NCKAP5: variants seen among roughly 807,000 people sequenced by gnomAD.
The protein encoded by NCKAP5 is NCK associated protein 5, also known as nck-associated protein 5.
In NCKAP5, 92 loss-of-function variants were observed where a neutral mutation model predicts 167.0. The ratio of observed to expected loss-of-function variants is 0.55; its 90% CI spans 0.47 to 0.66. The LOEUF (loss-of-function observed/expected upper bound fraction) is 0.66, where lower values mean the gene tolerates loss of function less well. Ranked by LOEUF, NCKAP5 falls within the 30% of genes least tolerant of loss-of-function variation. The probability of loss-of-function intolerance (pLI) is 0.00; values close to 1 mark genes in which losing one functional copy is unlikely to be tolerated. For missense variants in NCKAP5, 2,378 were observed against 2,315.0 expected, an observed-to-expected ratio of 1.03 and a Z score of -0.56; for synonymous variants, 891 against 877.4, an observed-to-expected ratio of 1.02 and a Z score of -0.27.
At chr2:133,288,511 C>T (rs1211868017) in intron 4 of NCKAP5, among the ~76,000 whole-genome samples, 1 of 151,952 alleles carries the variant, frequency 6.6e-6, no homozygotes, top group African/African-American at 2.4e-5. Context: ...ATGCAATTTC[C>T]TTTAATAGGG....
chr2:133,362,723 A>T (rs1685193937), intron 3 of NCKAP5, among the ~76,000 whole-genome samples: 1 of 151,740 alleles, frequency 6.6e-6, no homozygotes, highest in African/African-American at 2.4e-5. Context: ...TCTGGATTGC[A>T]GCCAGATATG....
intron 3 of NCKAP5, among the ~76,000 whole-genome samples, chr2:133,434,917 A>G (rs1018991368): frequency 3.3e-5 from 5 of 152,264 alleles, no homozygotes; most frequent in African/African-American, 1.2e-4. Flanking sequence ...TATCAGCAGA[A>G]TGAATAATGA....
chr2:133,145,392 C>A (rs540529588), intron 5 of NCKAP5, among the ~76,000 whole-genome samples: 3 of 151,940 alleles, frequency 2.0e-5, no homozygotes, highest in Non-Finnish European at 2.9e-5. Flanking sequence ...CTAATGCATG[C>A]GGGGCTTAAA....
At chr2:133,349,553 T>G (rs185649878) in intron 3 of NCKAP5, among the ~76,000 whole-genome samples, 1 of 152,226 alleles carries the variant, frequency 6.6e-6, no homozygotes, top group African/African-American at 2.4e-5. Context: ...TTTTAAAACA[T>G]CTTCTCCTTC....
At chr2:133,025,467 G>T (rs944671303) in intron 6 of NCKAP5, among the ~76,000 whole-genome samples, 3 of 152,304 alleles carry the variant, frequency 2.0e-5, no homozygotes, top group African/African-American at 4.8e-5. Flanking sequence ...GGTGAATAAA[G>T]TATTACCGCT....
At chr2:133,017,470 A>C (rs532700064) in intron 6 of NCKAP5, among the ~76,000 whole-genome samples, 5 of 152,248 alleles carry the variant, frequency 3.3e-5, no homozygotes, top group Non-Finnish European at 7.3e-5. Flanking sequence ...GAATTATTCA[A>C]AACTTCAAAA....
At chr2:133,325,970 A>C (rs924297147) in intron 3 of NCKAP5, among the ~76,000 whole-genome samples, 2 of 152,226 alleles carry the variant, frequency 1.3e-5, no homozygotes, top group East Asian at 3.8e-4. Context: ...TGGAGTTGGT[A>C]AAGCTGAAAC....
intron 5 of NCKAP5, among the ~76,000 whole-genome samples, chr2:133,171,288 T>C (rs2084239184): frequency 6.6e-6 from 1 of 152,224 alleles, no homozygotes; most frequent in Admixed American, 6.5e-5. Flanking sequence ...GATTCAATCC[T>C]TTTAATCCAG....
At chr2:133,668,143 T>C in the NCKAP5 span, among the ~76,000 whole-genome samples, 6 of 152,048 alleles carry the variant, frequency 3.9e-5, no homozygotes, top group Admixed American at 1.3e-4. Flanking sequence ...TAATATTCTA[T>C]TGTATGGATA....
chr2:133,661,401 T>G, the NCKAP5 span, among the ~76,000 whole-genome samples: 2 of 152,274 alleles, frequency 1.3e-5, no homozygotes, highest in African/African-American at 4.8e-5. Context: ...TTTTAAAAAA[T>G]TAATACTAGC....
At chr2:133,157,106 C>T (rs532427190) in intron 5 of NCKAP5, among the ~76,000 whole-genome samples, 4 of 152,214 alleles carry the variant, frequency 2.6e-5, no homozygotes, top group African/African-American at 4.8e-5. Flanking sequence ...ACAATAATTC[C>T]ATTTTGCCTC....
chr2:133,352,657 T>C (rs1684447984), intron 3 of NCKAP5, among the ~76,000 whole-genome samples: 1 of 152,144 alleles, frequency 6.6e-6, no homozygotes, highest in Admixed American at 6.6e-5. Flanking sequence ...ATGGGTGGAC[T>C]GAGGGCTGAG....
intron 19 of NCKAP5, among the ~76,000 whole-genome samples, chr2:132,678,192 T>C (rs1159920417): frequency 1.3e-5 from 2 of 152,164 alleles, no homozygotes; most frequent in African/African-American, 4.8e-5. Flanking sequence ...TGGTATCAGC[T>C]TCAAAGAGAT....
chr2:132,702,499 G>T (rs1268152820), intron 19 of NCKAP5, among the ~76,000 whole-genome samples: 5 of 152,156 alleles, frequency 3.3e-5, no homozygotes, highest in African/African-American at 1.2e-4. Context: ...TCTGGACTTG[G>T]AGACTGGAGT....
chr2:132,770,938 G>T lies in NCKAP5; in HGVS notation c.5128+2878C>A, dbSNP rs186009031. On this transcript the variant is annotated intron_variant, in intron 16 of 19. Transcript: ENST00000409261. Reference sequence around the variant, plus strand: ...TTGTGGTGATGCTGGTGTATAAAAAGCTATGTGCTTCCAGTCAGAGAAAAA... The same window carrying T: ...TTGTGGTGATGCTGGTGTATAAAAATCTATGTGCTTCCAGTCAGAGAAAAA... 2.0e-3 allele frequency among the ~76,000 whole-genome samples: 308 copies of T among 152,250 alleles called. 4 individuals are homozygous for T. Among genetic ancestry groups the T allele is most frequent in the East Asian group, 1.7e-3 (9 of 5,186 alleles).
At chr2:133,364,053 T>A (rs944474519) in intron 3 of NCKAP5, among the ~76,000 whole-genome samples, 1 of 152,150 alleles carries the variant, frequency 6.6e-6, no homozygotes, top group East Asian at 1.9e-4. Flanking sequence ...ATGAAGTAGG[T>A]GTTGGTATCA....
intron 3 of NCKAP5, among the ~76,000 whole-genome samples, chr2:133,464,926 G>T (rs1316596338): frequency 6.6e-6 from 1 of 151,722 alleles, no homozygotes; most frequent in East Asian, 1.9e-4. Flanking sequence ...CTGTAACTTG[G>T]GGCCAATTAT....
intron 3 of NCKAP5, among the ~76,000 whole-genome samples, chr2:133,362,250 A>G (rs898573838): frequency 3.3e-5 from 5 of 152,334 alleles, no homozygotes; most frequent in Non-Finnish European, 5.9e-5. Flanking sequence ...CGTGTTGAAA[A>G]GAAGAGGAAA....
At chr2:133,496,914 C>T (rs947266355) in intron 3 of NCKAP5, among the ~76,000 whole-genome samples, 10 of 152,286 alleles carry the variant, frequency 6.6e-5, no homozygotes, top group African/African-American at 2.4e-4. Flanking sequence ...TAAGATTAGA[C>T]ATCTGAGGAA....
Sources: gnomAD v4.1 joint callset for allele counts (sites outside exome capture counted in the v4.1 genomes callset) on GRCh38, gnomAD v4.1.1 for gene constraint, MANE v1.5 for transcripts, NCBI Gene and HGNC (gene_info 2026-07-23, HGNC 2026-07-21) for gene names.